SPRED2: variants seen among roughly 807,000 people sequenced by gnomAD.
SPRED2 encodes the protein sprouty-related, EVH1 domain-containing protein 2.
A neutral mutation model predicts 43.0 loss-of-function variants in SPRED2; 47 were observed. That is an observed-to-expected ratio of 1.09 (90% CI 0.87 to 1.40). The LOEUF is 1.40. Ranked by LOEUF, SPRED2 falls within the 40% of genes most tolerant of loss-of-function variation. The pLI is 0.00. For missense variants in SPRED2, 561 were observed against 586.4 expected, an observed-to-expected ratio of 0.96 and a Z score of 0.45; for synonymous variants, 225 against 225.7, an observed-to-expected ratio of 1.00 and a Z score of 0.03.
At chr2:65,319,058 A>G (rs572526862) in intron 4 of SPRED2, among the ~76,000 whole-genome samples, 1 of 152,376 alleles carries the variant, frequency 6.6e-6, no homozygotes, top group Non-Finnish European at 1.5e-5. Flanking sequence ...TTTATAAAGT[A>G]GTACATACTT....
intron 1 of SPRED2, among the ~76,000 whole-genome samples, chr2:65,355,133 C>T (rs779176616): frequency 6.6e-6 from 1 of 152,188 alleles, no homozygotes; most frequent in African/African-American, 2.4e-5. Context: ...TAGCAGAAAT[C>T]CTAATTTTCT....
intron 1 of SPRED2, among the ~76,000 whole-genome samples, chr2:65,349,764 G>C (rs745492918): frequency 8.5e-5 from 13 of 152,208 alleles, no homozygotes; most frequent in Admixed American, 4.6e-4. Context: ...TGTTAACTCT[G>C]GCCTTTGCTT....
chr2:65,315,264 A>G (rs1034166993), intron 5 of SPRED2, among the ~76,000 whole-genome samples: 2 of 149,278 alleles, frequency 1.3e-5, no homozygotes, highest in Non-Finnish European at 2.9e-5. Flanking sequence ...TCTAGCTAGT[A>G]CCTAAGACTC....
rs1558657785 is a variant in SPRED2 at position 65,338,247 on chromosome 2, GTCTCCCTCTCCCTCTCCCGTCTCCC to G, written c.205-3499_205-3475del. On this transcript the variant is annotated intron_variant, in intron 2 of 5. Coordinates refer to ENST00000356388, the MANE Select transcript of SPRED2 (RefSeq NM_181784.3). ...TCTCCCTCTCCCGTCTCCCTCTCCC[GTCTCCCTCTCCCTCTCCCGTCTCCC>G]TCTCCCTCTCCCGTCTCCCTCTCCC... Among the ~76,000 whole-genome samples the G allele has an allele frequency of 9.2e-3, 354 of 38,472 alleles. 47 individuals carry two copies. The highest frequency in any genetic ancestry group is 0.066 in the African/African-American group (298 of 4,518). 25.2% of individuals were successfully genotyped at this position (38,472 alleles called of 152,430 possible). A position where few individuals can be genotyped will look rare whatever the true frequency, so the allele number is the denominator to read the frequency against.
chr2:65,320,954 T>C (rs1187644098), intron 4 of SPRED2, among the ~76,000 whole-genome samples: 4 of 152,206 alleles, frequency 2.6e-5, no homozygotes, highest in African/African-American at 7.2e-5. Context: ...CTCTCTGTTA[T>C]TTCTGTGCAC....
At chr2:65,315,383 C>T (rs936277426) in intron 5 of SPRED2, among the ~76,000 whole-genome samples, 3 of 152,168 alleles carry the variant, frequency 2.0e-5, no homozygotes, top group Admixed American at 6.5e-5. Context: ...TGATAACTCT[C>T]GCCATCACAG....
At chr2:65,377,653 C>G (rs542182626) in intron 1 of SPRED2, 3 of 471,130 alleles carry the variant, frequency 6.4e-6, no homozygotes, top group South Asian at 3.1e-5. Context: ...AACCCAGATG[C>G]CCAGCTGGAG....
At chr2:65,410,623 G>C (rs1676134100) in intron 1 of SPRED2, among the ~76,000 whole-genome samples, 1 of 151,944 alleles carries the variant, frequency 6.6e-6, no homozygotes, top group Non-Finnish European at 1.5e-5. Context: ...GCCGGGCGTG[G>C]TGGTGGGCGC....
At chr2:65,431,237 C>G (rs2103829214) in intron 1 of SPRED2, among the ~76,000 whole-genome samples, 3 of 151,482 alleles carry the variant, frequency 2.0e-5, no homozygotes, top group Middle Eastern at 3.4e-3. Flanking sequence ...ACACGCGCGC[C>G]CCCAGCGCGA....
intron 2 of SPRED2, among the ~76,000 whole-genome samples, chr2:65,335,335 C>T (rs1216683950): frequency 6.6e-6 from 1 of 152,134 alleles, no homozygotes; most frequent in Non-Finnish European, 1.5e-5. Context: ...GCTTTTATAT[C>T]AACCCCATTT....
rs537113516 is a variant in SPRED2 at position 65,313,980 on chromosome 2, G to A, written c.778C>T (p.Pro260Ser). 2 of 1,613,208 alleles carry A rather than the reference G, an allele frequency of 1.2e-6. No homozygotes were observed. Among genetic ancestry groups the A allele is most frequent in the Admixed American group, 1.7e-5 (1 of 60,024 alleles). ...TAGGGGTAGTTGTAGTCATGCTTGG[G>A]GACCTCGCCCTTGGCGAAGCGCACG... ...SYVRFAKGEV[P>S]KHDYNYPYVD... Residue 260 changes from proline to serine, a missense_variant, in exon 6 of 6, where the codon CCC (proline) becomes TCC (serine). This residue lies in a region of SPRED2 where 164 missense variants were observed against 164.1 expected (regional missense o/e 1.00). Coordinates refer to ENST00000356388, the MANE Select transcript of SPRED2 (RefSeq NM_181784.3).
chr2:65,353,685 T>C (rs1674571097), intron 1 of SPRED2, among the ~76,000 whole-genome samples: 1 of 152,220 alleles, frequency 6.6e-6, no homozygotes, highest in South Asian at 2.1e-4. Context: ...GCATTCTATG[T>C]GCCTCTATAC....
chr2:65,393,923 C>A (rs1267665060), intron 1 of SPRED2, among the ~76,000 whole-genome samples: 1 of 152,130 alleles, frequency 6.6e-6, no homozygotes, highest in African/African-American at 2.4e-5. Flanking sequence ...CACCTAATAG[C>A]TGGGGGGTCT....
chr2:65,346,419 C>A (rs1053944640), intron 1 of SPRED2, among the ~76,000 whole-genome samples: 22 of 152,088 alleles, frequency 1.4e-4, no homozygotes, highest in African/African-American at 4.8e-4. Flanking sequence ...ATTAATTACA[C>A]CCACACTGTT....
chr2:65,379,814 T>C (rs774814766), intron 1 of SPRED2, among the ~76,000 whole-genome samples: 2 of 152,188 alleles, frequency 1.3e-5, no homozygotes, highest in Non-Finnish European at 2.9e-5. Context: ...ATGGCACCTC[T>C]CATTTCCACC....
At chr2:65,350,478 T>C (rs1256382467) in intron 1 of SPRED2, among the ~76,000 whole-genome samples, 2 of 152,136 alleles carry the variant, frequency 1.3e-5, no homozygotes, top group Non-Finnish European at 2.9e-5. Flanking sequence ...TTATTACAAA[T>C]GGTGTTGGAC....
chr2:65,404,215 AAAAG>A (rs1308649557), intron 1 of SPRED2, among the ~76,000 whole-genome samples: 61 of 147,430 alleles, frequency 4.1e-4, no homozygotes, highest in African/African-American at 1.4e-3. Context: ...CAAAAAAAAA[AAAAG>A]AAAGAAAGAA....
rs1673094575 is a variant in SPRED2, at chr2:65,312,426, C to T, written c.*1075G>A. ...TTTATGACATTTAAAAATCCCCTCT[C>T]CCCATTAATATAAAATAGCCAGGGG... On this transcript the variant is annotated 3_prime_UTR_variant, in exon 6 of 6. Coordinates refer to ENST00000356388, the MANE Select transcript of SPRED2 (RefSeq NM_181784.3). 2 of 985,428 alleles carry T rather than the reference C, an allele frequency of 2.0e-6. No homozygotes were observed. The highest frequency in any genetic ancestry group is 2.4e-6 in the Non-Finnish European group (2 of 829,926). The allele number at this position is 985,428 out of a possible 1,614,324, so 61.0% of individuals were successfully genotyped here. A position where few individuals can be genotyped will look rare whatever the true frequency, so the allele number is the denominator to read the frequency against.
In SPRED2 at chr2:65,334,653, G is replaced by A. The variant is rs753453111; in HGVS notation, c.325C>T (p.Arg109Ter). ...GLTFQSPADARAFDRGVRKAI... is the reference protein window; with the variant it reads ...GLTFQSPADA The stretch of plus-strand genomic sequence containing the variant: ...TTCCTTACTCCCCTGTCAAAGGCTC[G>A]GGCATCAGCAGGGCTTTGGAAAGTA... The change falls in exon 3 of 6, where the codon CGA (arginine) becomes TGA (stop). Residue 109 changes from arginine to a stop codon, truncating the protein, a stop_gained. Coordinates refer to ENST00000356388, the MANE Select transcript of SPRED2 (RefSeq NM_181784.3). LOFTEE classifies it high-confidence loss of function. 6.2e-6 allele frequency: 10 copies of A among 1,614,014 alleles called. No homozygotes were observed. Among genetic ancestry groups the A allele is most frequent in the East Asian group, 2.2e-5 (1 of 44,900 alleles).
Sources: gnomAD v4.1 joint callset for allele counts (sites outside exome capture counted in the v4.1 genomes callset) on GRCh38, gnomAD v4.1.1 for gene constraint, gnomAD v4.1.1 regional missense constraint, MANE v1.5 for transcripts, NCBI Gene and HGNC (gene_info 2026-07-23, HGNC 2026-07-21) for gene names.